Variants in CTTN observed in about 807,000 individuals in gnomAD.
The protein encoded by CTTN is src substrate cortactin.
A neutral mutation model predicts 84.0 loss-of-function variants in CTTN; 28 were observed. The observed-to-expected ratio is 0.33, with a 90% confidence interval of 0.25 to 0.46. The LOEUF (loss-of-function observed/expected upper bound fraction) is 0.46, where lower values mean the gene tolerates loss of function less well. Ranked by LOEUF, CTTN falls within the 20% of genes least tolerant of loss-of-function variation. The pLI, the probability that CTTN is intolerant of heterozygous loss-of-function variation, is 1.00. For missense variants in CTTN, 641 were observed against 723.8 expected, an observed-to-expected ratio of 0.89 and a Z score of 1.31; for synonymous variants, 301 against 288.8, an observed-to-expected ratio of 1.04 and a Z score of -0.43.
intron 8 of CTTN, among the ~76,000 whole-genome samples, chr11:70,417,951 G>A (rs1011753746): frequency 2.0e-5 from 3 of 152,200 alleles, no homozygotes; most frequent in African/African-American, 7.2e-5. Context: ...GCTGTGCTGA[G>A]TTCTTCCTTC....
rs752793797 is a variant in CTTN, at chr11:70,409,823, C to G, written c.162-8C>G. The G allele has an allele frequency of 2.5e-5, 41 of 1,613,738 alleles. No individual in the cohort carries two copies. The highest frequency in any genetic ancestry group is 3.3e-5 in the Non-Finnish European group (39 of 1,179,832). On this transcript the variant is annotated splice_region_variant and splice_polypyrimidine_tract_variant and intron_variant, in intron 4 of 17. Transcript: ENST00000301843. ...TGATCTGTTCCTATTTTCATCTCTTCCATCAAGCATACACAAGCTGAGGGA... is the reference window on the plus strand; with the variant it reads ...TGATCTGTTCCTATTTTCATCTCTTGCATCAAGCATACACAAGCTGAGGGA...
chr11:70,435,113 A>G lies in CTTN; in HGVS notation c.1604A>G (p.Lys535Arg), dbSNP rs2058399905. 1 of 1,613,768 alleles carries G rather than the reference A, an allele frequency of 6.2e-7. No homozygotes were observed. The change falls in exon 18 of 18, where the codon AAG becomes AGG. Residue 535 changes from lysine to arginine, a missense_variant. Coordinates refer to ENST00000301843, the MANE Select transcript of CTTN (RefSeq NM_005231.4). Reference sequence around the variant, plus strand: ...GACGGCTGGTGGCGCGGGGTGTGCAAGGGCCGGTACGGGCTCTTCCCAGCC... The same window carrying G: ...GACGGCTGGTGGCGCGGGGTGTGCAGGGGCCGGTACGGGCTCTTCCCAGCC... Reference protein sequence around the residue: ...IDDGWWRGVCKGRYGLFPANY... With the variant: ...IDDGWWRGVCRGRYGLFPANY...
chr11:70,411,246 A>G (rs1257845160), intron 5 of CTTN, among the ~76,000 whole-genome samples: 1 of 142,026 alleles, frequency 7.0e-6, no homozygotes, highest in Non-Finnish European at 1.5e-5. Flanking sequence ...GTGCACACGG[A>G]CAGACGGAAT....
intron 6 of CTTN, among the ~76,000 whole-genome samples, chr11:70,415,051 C>T (rs1198076341): frequency 1.3e-5 from 2 of 152,170 alleles, no homozygotes; most frequent in Non-Finnish European, 2.9e-5. Context: ...GGTGTTGTTG[C>T]AGTCATCCTA....
intron 1 of CTTN, among the ~76,000 whole-genome samples, chr11:70,399,628 C>G (rs929930199): frequency 2.0e-5 from 3 of 152,178 alleles, no homozygotes; most frequent in Admixed American, 2.0e-4. Context: ...TGTTACGTTT[C>G]CATCACCTGG....
intron 17 of CTTN, 66 bp downstream of exon 17, chr11:70,433,784 C>G (rs1000455043): frequency 8.0e-6 from 8 of 994,184 alleles, no homozygotes; most frequent in African/African-American, 1.6e-5. Flanking sequence ...TGCTTGTTTT[C>G]TGAGAATTCA....
intron 8 of CTTN, among the ~76,000 whole-genome samples, chr11:70,418,869 C>T (rs540613448): frequency 2.2e-4 from 33 of 151,020 alleles, no homozygotes; most frequent in Non-Finnish European, 3.4e-4. Flanking sequence ...CTCCTCCTTC[C>T]GGGTTCAAAC....
chr11:70,429,609 G>A (rs1196388620), intron 14 of CTTN, among the ~76,000 whole-genome samples: 1 of 152,084 alleles, frequency 6.6e-6, no homozygotes, highest in Non-Finnish European at 1.5e-5. Flanking sequence ...GTTTGGAGGG[G>A]ACTCTGTGCA....
At chr11:70,398,789 G>A (rs2057939792) in intron 1 of CTTN, among the ~76,000 whole-genome samples, 175 bp downstream of exon 1, 1 of 151,798 alleles carries the variant, frequency 6.6e-6, no homozygotes, top group African/African-American at 2.4e-5. Flanking sequence ...CCTGGGGCGG[G>A]GCAGGGCGAG....
chr11:70,408,867 G>A (rs149226210), intron 4 of CTTN, among the ~76,000 whole-genome samples: 232 of 152,198 alleles, frequency 1.5e-3, no homozygotes, highest in African/African-American at 5.4e-3. Flanking sequence ...TTGCTATGGC[G>A]TTAAGCAGAC....
Position 70,409,967 on chromosome 11 carries a change from G to C in CTTN, c.291+7G>C. On this transcript the variant is annotated splice_region_variant and intron_variant, in intron 5 of 17. Coordinates refer to ENST00000301843, the MANE Select transcript of CTTN (RefSeq NM_005231.4). ...ACAAGACCGAATGGATAAGGTAAGTGGCCCGCGGCTGCCTATGCCAGGCTC... is the reference window on the plus strand; with the variant it reads ...ACAAGACCGAATGGATAAGGTAAGTCGCCCGCGGCTGCCTATGCCAGGCTC... 6.2e-7 allele frequency: 1 copy of C among 1,613,902 alleles called. No homozygotes were observed.
At chr11:70,432,841 G>A (rs2058369289) in intron 15 of CTTN, among the ~76,000 whole-genome samples, 1 of 152,154 alleles carries the variant, frequency 6.6e-6, no homozygotes, top group African/African-American at 2.4e-5. Flanking sequence ...CTAACCTGCT[G>A]TGTGGGCGTG....
chr11:70,408,391 A>G (rs1321950189), intron 4 of CTTN: 1 of 151,954 alleles, frequency 6.6e-6, no homozygotes, highest in African/African-American at 2.4e-5. Flanking sequence ...TTAAAGATTT[A>G]TTTATTTATT....
At position 70,436,248 on chromosome 11, in the gene CTTN, G is replaced by A. The variant is rs1422420226; in HGVS notation, c.*1086G>A. 11 of 1,594,722 alleles carry A rather than the reference G, an allele frequency of 6.9e-6. No homozygotes were observed. In the African/African-American group the frequency reaches 1.1e-4, roughly 16 times the overall value. On this transcript the variant is annotated 3_prime_UTR_variant, in exon 18 of 18. Coordinates refer to ENST00000301843, the MANE Select transcript of CTTN (RefSeq NM_005231.4). ...GGTCCCCCCACAGCTCCAGGACACC[G>A]CTGTCCTGGCATTTGTGGCCACTCA...
chr11:70,409,017 C>T (rs1450742668), intron 4 of CTTN, among the ~76,000 whole-genome samples: 1 of 152,276 alleles, frequency 6.6e-6, no homozygotes, highest in Non-Finnish European at 1.5e-5. Flanking sequence ...CAGAGAGGAA[C>T]ACATGGGGAA....
At chr11:70,434,684 A>C (rs2058394840) in intron 17 of CTTN, among the ~76,000 whole-genome samples, 1 of 151,868 alleles carries the variant, frequency 6.6e-6, no homozygotes, top group South Asian at 2.1e-4. Context: ...TCCGCAGCCC[A>C]TCTCCCCACC....
intron 5 of CTTN, among the ~76,000 whole-genome samples, chr11:70,411,896 G>A (rs2058100166): frequency 6.6e-6 from 1 of 152,144 alleles, no homozygotes; most frequent in African/African-American, 2.4e-5. Context: ...CAAGGGTCGG[G>A]ACTTGTCATC....
chr11:70,422,487 A>G (rs2058249049), intron 11 of CTTN: 1 of 1,226,528 alleles, frequency 8.2e-7, no homozygotes. Flanking sequence ...TTCCACATGG[A>G]TTTTTTTTTT....
chr11:70,411,238 GCA>G (rs1376946666), intron 5 of CTTN, among the ~76,000 whole-genome samples: 1 of 143,690 alleles, frequency 7.0e-6, no homozygotes, highest in African/African-American at 2.6e-5. Context: ...CGAAGCGTGT[GCA>G]CACGGACAGA....
Sources: allele counts gnomAD v4.1 joint callset (sites outside exome capture counted in the v4.1 genomes callset), GRCh38; gene constraint gnomAD v4.1.1; transcripts MANE v1.5; gene names NCBI Gene and HGNC (gene_info 2026-07-23, HGNC 2026-07-21).